PDE4D: variants seen among roughly 807,000 people sequenced by gnomAD.
The protein encoded by PDE4D is 3',5'-cyclic-AMP phosphodiesterase 4D.
A neutral mutation model predicts 87.4 loss-of-function variants in PDE4D; 24 were observed. That is an observed-to-expected ratio of 0.27 (90% confidence interval 0.20 to 0.39). PDE4D has a LOEUF of 0.39. Among genes scored for constraint, PDE4D ranks in the 10% least tolerant of loss-of-function variants. The pLI is 1.00. For missense variants in PDE4D, 714 were observed against 1,041.0 expected, an observed-to-expected ratio of 0.69 and a Z score of 4.32; for synonymous variants, 384 against 383.2, an observed-to-expected ratio of 1.00 and a Z score of -0.02.
chr5:59,285,862 G>A (rs1016305014), intron 1 of PDE4D, among the ~76,000 whole-genome samples: 1 of 152,098 alleles, frequency 6.6e-6, no homozygotes, highest in African/African-American at 2.4e-5. Flanking sequence ...TGAATGAGAT[G>A]GCTGTTTCTC....
intron 1 of PDE4D, among the ~76,000 whole-genome samples, chr5:59,847,941 GGTTCAA>G (rs1039335370): frequency 6.6e-6 from 1 of 152,022 alleles, no homozygotes; most frequent in African/African-American, 2.4e-5. Context: ...GGGGCAGGAA[GGTTCAA>G]GTATTTCATT....
intron 2 of PDE4D, among the ~76,000 whole-genome samples, chr5:60,129,949 G>A (rs1779427856): frequency 6.6e-6 from 1 of 152,114 alleles, no homozygotes; most frequent in South Asian, 2.1e-4. Context: ...GATATTAGAA[G>A]GTAGGGCCTG....
intron 1 of PDE4D, among the ~76,000 whole-genome samples, chr5:60,312,331 A>C: frequency 6.6e-6 from 1 of 152,226 alleles, no homozygotes; most frequent in East Asian, 1.9e-4. Context: ...AAAAAAACGG[A>C]AATCATACCA....
At chr5:59,183,078 CAT>C (rs1491236147) in intron 4 of PDE4D, among the ~76,000 whole-genome samples, 4 of 152,186 alleles carry the variant, frequency 2.6e-5, no homozygotes, top group Admixed American at 2.6e-4. Context: ...CCAGGGTCAT[CAT>C]GTGATGAGGC....
chr5:59,674,073 T>A (rs1747661650), intron 1 of PDE4D, among the ~76,000 whole-genome samples: 1 of 152,174 alleles, frequency 6.6e-6, no homozygotes, highest in African/African-American at 2.4e-5. Context: ...CTACCTAAAT[T>A]GTTAAATATT....
At chr5:60,215,779 G>A (rs138408088) in intron 1 of PDE4D, among the ~76,000 whole-genome samples, 18 of 152,138 alleles carry the variant, frequency 1.2e-4, no homozygotes, top group South Asian at 4.2e-4. Flanking sequence ...TTAACCAGCC[G>A]TCCAGATGAT....
chr5:60,296,251 A>G (rs1304084840), intron 1 of PDE4D, among the ~76,000 whole-genome samples: 1 of 152,224 alleles, frequency 6.6e-6, no homozygotes, highest in Non-Finnish European at 1.5e-5. Context: ...ATTCAGACTC[A>G]GGACCCTGAA....
intron 1 of PDE4D, among the ~76,000 whole-genome samples, chr5:59,502,567 C>A (rs539541677): frequency 6.6e-6 from 1 of 151,512 alleles, no homozygotes; most frequent in South Asian, 2.1e-4. Flanking sequence ...CACTTTGGGA[C>A]AAGATCAAAA....
At chr5:59,788,089 G>T (rs929199635) in intron 1 of PDE4D, among the ~76,000 whole-genome samples, 6 of 151,832 alleles carry the variant, frequency 4.0e-5, no homozygotes, top group African/African-American at 1.5e-4. Context: ...CTCAGCAATA[G>T]AAAAATGAAA....
intron 1 of PDE4D, among the ~76,000 whole-genome samples, chr5:60,226,812 G>A (rs1023044067): frequency 6.6e-5 from 10 of 150,434 alleles, no homozygotes; most frequent in Admixed American, 6.0e-4. Flanking sequence ...TTACTCAGGT[G>A]TCTTTGTTAA....
At chr5:58,993,886 AGAG>A (rs1371717490) in intron 6 of PDE4D, among the ~76,000 whole-genome samples, 4 of 152,196 alleles carry the variant, frequency 2.6e-5, no homozygotes, top group African/African-American at 9.6e-5. Flanking sequence ...TTAGTTATTT[AGAG>A]AAGAGAGAAA....
At chr5:59,346,272 G>A (rs1317837124) in intron 1 of PDE4D, among the ~76,000 whole-genome samples, 1 of 152,090 alleles carries the variant, frequency 6.6e-6, no homozygotes, top group Non-Finnish European at 1.5e-5. Context: ...TTGGTTATAT[G>A]AGTAAATATG....
intron 1 of PDE4D, among the ~76,000 whole-genome samples, chr5:59,743,733 G>T (rs1344508551): frequency 6.6e-6 from 1 of 152,106 alleles, no homozygotes; most frequent in Non-Finnish European, 1.5e-5. Flanking sequence ...TCTCTCAAAA[G>T]CAGACTCATA....
At chr5:59,649,930 T>TTTTTTTTTTTTTTTTTTTTTTTTTTTC (rs1580152373) in intron 1 of PDE4D, among the ~76,000 whole-genome samples, 2 of 140,916 alleles carry the variant, frequency 1.4e-5, no homozygotes, top group Admixed American at 7.4e-5. Context: ...TTTTTTTTTT[T>TTTTTTTTTTTTTTTTTTTTTTTTTTTC]TTAGCAATGA....
intron 2 of PDE4D, among the ~76,000 whole-genome samples, chr5:60,134,476 G>A (rs534703276): frequency 7.9e-5 from 12 of 152,298 alleles, no homozygotes; most frequent in Middle Eastern, 3.4e-3. Context: ...CTACAGTCCA[G>A]CCTGGGTGAT....
chr5:59,258,175 A>G (rs777917077), intron 1 of PDE4D, among the ~76,000 whole-genome samples: 9 of 151,948 alleles, frequency 5.9e-5, no homozygotes, highest in African/African-American at 9.7e-5. Context: ...CTTCTCCCCA[A>G]TGTTTGTTTG....
At chr5:59,808,311 G>A (rs977912999) in intron 1 of PDE4D, among the ~76,000 whole-genome samples, 6 of 152,216 alleles carry the variant, frequency 3.9e-5, no homozygotes, top group Non-Finnish European at 7.4e-5. Context: ...TTTTAAGATT[G>A]GCCATTCTTA....
intron 1 of PDE4D, among the ~76,000 whole-genome samples, chr5:59,658,235 C>G (rs1744684435): frequency 6.6e-6 from 1 of 151,896 alleles, no homozygotes. Context: ...TTTTCTGCAA[C>G]TTATAGATTA....
chr5:58,985,406 A>G (rs1439737796), intron 11 of PDE4D, among the ~76,000 whole-genome samples: 1 of 152,196 alleles, frequency 6.6e-6, no homozygotes, highest in Non-Finnish European at 1.5e-5. Flanking sequence ...TGTAAATACA[A>G]TTAGTATAAA....
Sources: gnomAD v4.1 joint callset for allele counts (sites outside exome capture counted in the v4.1 genomes callset) on GRCh38, gnomAD v4.1.1 for gene constraint, MANE v1.5 for transcripts, NCBI Gene and HGNC (gene_info 2026-07-23, HGNC 2026-07-21) for gene names.